Variants in LYRM4 observed in about 807,000 individuals in gnomAD.
LYRM4 encodes the protein LYR motif-containing protein 4.
LYRM4 carries 9 observed loss-of-function variants against 11.7 expected under a neutral mutation model. That is an observed-to-expected ratio of 0.77 (90% CI 0.46 to 1.34). The LOEUF is 1.34. LYRM4 is among the 40% of genes most tolerant of loss of function. LYRM4 has a pLI of 0.00. For synonymous variants in LYRM4, 42 were observed against 40.4 expected (o/e 1.04, Z -0.15); for missense variants, 133 against 112.5 (o/e 1.18, Z -0.82).
Position 5,171,881 on chromosome 6 carries a change from T to C in LYRM4, c.207+44737A>G, listed in dbSNP as rs940524068. Among the ~76,000 whole-genome samples the C allele has an allele frequency of 2.6e-5, 4 of 152,190 alleles. No individual in the cohort carries two copies. The South Asian group carries it at 6.2e-4, about 24-fold the overall frequency. On this transcript the variant is annotated intron_variant, in intron 2 of 2. Transcript: ENST00000330636. Reference sequence around the variant, plus strand: ...GGTTGAAGGGATACGGGAAGAATTATGAATGGGGGAAAACCTACTCAGAGT... The same window carrying C: ...GGTTGAAGGGATACGGGAAGAATTACGAATGGGGGAAAACCTACTCAGAGT...
chr6:5,057,985 C>CA, the LYRM4 span, among the ~76,000 whole-genome samples: 1 of 152,134 alleles, frequency 6.6e-6, no homozygotes, highest in Admixed American at 6.5e-5. Context: ...ATTCCAGACT[C>CA]AAACAGTCCT....
At chr6:5,168,193 G>C (rs534816579) in intron 2 of LYRM4, among the ~76,000 whole-genome samples, 1 of 151,950 alleles carries the variant, frequency 6.6e-6, no homozygotes, top group South Asian at 2.1e-4. Flanking sequence ...GGCCAGCTAC[G>C]TACAAAATCA....
intron 2 of LYRM4, among the ~76,000 whole-genome samples, chr6:5,155,346 G>A (rs895630326): frequency 1.1e-4 from 17 of 152,282 alleles, no homozygotes; most frequent in African/African-American, 3.4e-4. Context: ...CTCCCATTGT[G>A]GTGGGATTAC....
At chr6:5,129,858 C>T (rs545257186) in intron 2 of LYRM4, among the ~76,000 whole-genome samples, 64 of 152,312 alleles carry the variant, frequency 4.2e-4, no homozygotes, top group African/African-American at 1.4e-3. Context: ...GAGGGAGAAG[C>T]GAGAGCGCAA....
Position 5,199,374 on chromosome 6 carries a change from G to A in LYRM4, c.207+17244C>T, listed in dbSNP as rs74703482. Among the ~76,000 whole-genome samples the A allele has an allele frequency of 8.4e-3, 1,278 of 152,232 alleles. 59 individuals are homozygous for A. The East Asian group carries it at 0.14, about 16-fold the overall frequency. The stretch of plus-strand genomic sequence containing the variant: ...TAGGGCTAGGGAAGAGTGGGTTGGG[G>A]GAAAATGGGGAGTCACAGCTATAGG... On this transcript the variant is annotated intron_variant, in intron 2 of 2. Transcript: ENST00000330636.
chr6:5,045,737 C>T, the LYRM4 span, among the ~76,000 whole-genome samples: 9 of 152,066 alleles, frequency 5.9e-5, no homozygotes, highest in African/African-American at 1.9e-4. Context: ...TAGAAGCTCA[C>T]GGAACTCAAA....
At chr6:5,110,496 T>A (rs1051339061) in intron 2 of LYRM4, among the ~76,000 whole-genome samples, 3 of 152,178 alleles carry the variant, frequency 2.0e-5, no homozygotes, top group Non-Finnish European at 4.4e-5. Flanking sequence ...ATTTGCTCGG[T>A]CTTCAGTCTG....
chr6:5,056,421 T>C, the LYRM4 span, among the ~76,000 whole-genome samples: 16 of 152,358 alleles, frequency 1.1e-4, no homozygotes, highest in Non-Finnish European at 2.4e-4. Flanking sequence ...CAATATGGAA[T>C]CTGAAACCTT....
the LYRM4 span, among the ~76,000 whole-genome samples, chr6:5,079,226 G>T: frequency 9.8e-5 from 15 of 152,318 alleles, no homozygotes; most frequent in Non-Finnish European, 1.5e-4. Context: ...AGGGGTTTGG[G>T]CTGGGATCAG....
At chr6:5,117,426 G>T (rs9405257) in intron 2 of LYRM4, among the ~76,000 whole-genome samples, 4,635 of 152,148 alleles carry the variant, frequency 0.03, 164 homozygotes, top group Admixed American at 0.094. Flanking sequence ...GTGATGGTGT[G>T]CGCCTGTAAT....
intron 2 of LYRM4, among the ~76,000 whole-genome samples, chr6:5,118,094 A>ATATATATATAT: frequency 9.3e-5 from 8 of 86,128 alleles, no homozygotes; most frequent in South Asian, 4.3e-4. Flanking sequence ...ATATATATAT[A>ATATATATATAT]TTTTTGTTTT....
chr6:5,202,880 A>G (rs1761470093), intron 2 of LYRM4, among the ~76,000 whole-genome samples: 1 of 152,220 alleles, frequency 6.6e-6, no homozygotes, highest in Non-Finnish European at 1.5e-5. Context: ...AGTCCTTTAT[A>G]ATTATAGCAT....
the LYRM4 span, chr6:5,086,549 CGGACGCGCTCTGAGCCT>C: frequency 6.6e-7 from 1 of 1,523,954 alleles, no homozygotes. Flanking sequence ...GCGCGCCCTG[CGGACGCGCTCTGAGCCT>C]GGAGAGTTTC....
chr6:5,202,542 C>G (rs1430826877), intron 2 of LYRM4, among the ~76,000 whole-genome samples: 1 of 152,194 alleles, frequency 6.6e-6, no homozygotes, highest in African/African-American at 2.4e-5. Context: ...TGGCCTAACT[C>G]AGCAAAGGGC....
chr6:5,141,374 GT>G (rs1757400066), intron 2 of LYRM4, among the ~76,000 whole-genome samples: 1 of 152,192 alleles, frequency 6.6e-6, no homozygotes, highest in Admixed American at 6.5e-5. Context: ...AAAGTGGAGA[GT>G]AGGCTGATTT....
intron 1 of LYRM4, among the ~76,000 whole-genome samples, chr6:5,245,641 A>G (rs1764163348): frequency 6.6e-6 from 1 of 152,224 alleles, no homozygotes; most frequent in Non-Finnish European, 1.5e-5. Context: ...ACTGAGCAAA[A>G]GCAAATCTAG....
chr6:5,144,101 A>T, intron 2 of LYRM4: 1 of 1,525,614 alleles, frequency 6.6e-7, no homozygotes, highest in South Asian at 1.2e-5. Context: ...GGTGAGAGCG[A>T]TCTGATCTGA....
intron 2 of LYRM4, among the ~76,000 whole-genome samples, chr6:5,133,478 A>T (rs1478218059): frequency 6.6e-6 from 1 of 152,196 alleles, no homozygotes; most frequent in Non-Finnish European, 1.5e-5. Context: ...TCTGTCAATG[A>T]TTCCAAACCT....
chr6:5,151,366 A>G lies in LYRM4; in HGVS notation c.208-41875T>C, dbSNP rs540738150. 2.0e-5 allele frequency among the ~76,000 whole-genome samples: 3 copies of G among 152,228 alleles called. 1 individual carries two copies. The South Asian group carries it at 6.2e-4, about 32-fold the overall frequency. Reference sequence around the variant, plus strand: ...CCACAGTGCTGGGATTACAGGCATGAGCCACCGCACCCGGCCTCCAAAATG... The same window carrying G: ...CCACAGTGCTGGGATTACAGGCATGGGCCACCGCACCCGGCCTCCAAAATG... On this transcript the variant is annotated intron_variant, in intron 2 of 2. Coordinates refer to ENST00000330636, the MANE Select transcript of LYRM4 (RefSeq NM_020408.6).
Sources: allele counts gnomAD v4.1 joint callset (sites outside exome capture counted in the v4.1 genomes callset), GRCh38; gene constraint gnomAD v4.1.1; transcripts MANE v1.5; gene names NCBI Gene and HGNC (gene_info 2026-07-23, HGNC 2026-07-21).